VAV3: variants seen among roughly 807,000 people sequenced by gnomAD.
VAV3 encodes vav guanine nucleotide exchange factor 3, also known as guanine nucleotide exchange factor VAV3.
Under a neutral mutation model 131.2 loss-of-function variants are expected in VAV3, and 94 were observed. The observed-to-expected ratio is 0.72, with a 90% CI of 0.61 to 0.85. VAV3 has a LOEUF of 0.85. VAV3 is among the 40% of genes least tolerant of loss of function. The pLI is 0.00. For synonymous variants in VAV3, 349 were observed against 342.0 expected, an observed-to-expected ratio of 1.02 and a Z score of -0.22; for missense variants, 939 against 1,002.7, an observed-to-expected ratio of 0.94 and a Z score of 0.86.
chr1:107,944,218 T>C (rs1674137461), intron 1 of VAV3, among the ~76,000 whole-genome samples: 1 of 152,176 alleles, frequency 6.6e-6, no homozygotes, highest in African/African-American at 2.4e-5. Flanking sequence ...CCGGACCCCC[T>C]CTCATCTTCT....
intron 2 of VAV3, among the ~76,000 whole-genome samples, chr1:107,826,029 G>C (rs1461838813): frequency 6.6e-6 from 1 of 152,068 alleles, no homozygotes; most frequent in Admixed American, 6.6e-5. Flanking sequence ...TGCACAGAGA[G>C]GCATATGTAC....
chr1:107,854,300 A>G (rs1175935853), intron 2 of VAV3, among the ~76,000 whole-genome samples: 1 of 152,108 alleles, frequency 6.6e-6, no homozygotes, highest in East Asian at 1.9e-4. Flanking sequence ...ACAGAGCAAG[A>G]CTCTGCCTAA....
intron 2 of VAV3, among the ~76,000 whole-genome samples, chr1:107,789,701 A>T (rs1056744672): frequency 3.9e-5 from 6 of 152,230 alleles, no homozygotes; most frequent in Non-Finnish European, 8.8e-5. Context: ...CACATACATA[A>T]CTTAATATTT....
chr1:107,697,157 C>T (rs1325722312), intron 17 of VAV3, among the ~76,000 whole-genome samples: 1 of 152,184 alleles, frequency 6.6e-6, no homozygotes, highest in African/African-American at 2.4e-5. Context: ...CCATGGCTTC[C>T]AGCTTTCAGA....
At chr1:107,951,063 T>C (rs1031459776) in intron 1 of VAV3, among the ~76,000 whole-genome samples, 4 of 152,182 alleles carry the variant, frequency 2.6e-5, no homozygotes, top group African/African-American at 7.2e-5. Flanking sequence ...CAAATGCAAA[T>C]GGTATGGCCA....
rs372254289 is a variant in VAV3, at chr1:107,905,080, T to G, written c.205-30063A>C. Among the ~76,000 whole-genome samples, 16 of 152,288 alleles carry G rather than the reference T, an allele frequency of 1.1e-4. 1 individual carries two copies. The highest frequency in any genetic ancestry group is 3.8e-4 in the African/African-American group (16 of 41,560). On this transcript the variant is annotated intron_variant, in intron 1 of 26. Transcript: ENST00000370056. ...GGAATATCAAGGAGCCAAGGTGGCT[T>G]GAGAAGTCAGATTATCTATCCGAAA...
chr1:107,724,550 C>A (rs1368617728), intron 15 of VAV3, among the ~76,000 whole-genome samples: 1 of 151,886 alleles, frequency 6.6e-6, no homozygotes, highest in Admixed American at 6.6e-5. Context: ...AAGAAGTAAA[C>A]CTAATAAAGT....
At chr1:107,651,106 C>T (rs1326777522) in intron 19 of VAV3, among the ~76,000 whole-genome samples, 1 of 152,116 alleles carries the variant, frequency 6.6e-6, no homozygotes, top group African/African-American at 2.4e-5. Flanking sequence ...CCCCATCTAC[C>T]ACGTGAGAAC....
At chr1:107,914,231 C>T (rs1672508902) in intron 1 of VAV3, among the ~76,000 whole-genome samples, 1 of 152,156 alleles carries the variant, frequency 6.6e-6, no homozygotes, top group South Asian at 2.1e-4. Flanking sequence ...TCAACTGTGC[C>T]AGCAGAGCCA....
chr1:107,856,348 G>A (rs555199460), intron 2 of VAV3, among the ~76,000 whole-genome samples: 1 of 152,148 alleles, frequency 6.6e-6, no homozygotes, highest in Non-Finnish European at 1.5e-5. Context: ...GGGAGCTATT[G>A]AGTAGAGGAT....
intron 19 of VAV3, among the ~76,000 whole-genome samples, chr1:107,672,442 C>T (rs934888144): frequency 2.0e-5 from 3 of 151,412 alleles, no homozygotes; most frequent in Non-Finnish European, 2.9e-5. Flanking sequence ...TGGCCAAATG[C>T]TACAAAAATT....
chr1:107,859,489 G>C lies in VAV3; in HGVS notation c.321+15412C>G, dbSNP rs200394113. Among the ~76,000 whole-genome samples the C allele has an allele frequency of 2.0e-5, 3 of 152,152 alleles. No homozygotes were observed. The East Asian group carries it at 5.8e-4, about 29-fold the overall frequency. ...GGAATAATTCTCGATGACTGATTTA[G>C]TGCTTAGCTGATAATAGTCCTAAAA... On this transcript the variant is annotated intron_variant, in intron 2 of 26. Transcript: ENST00000370056.
chr1:107,630,295 A>G (rs1380481097), intron 20 of VAV3, among the ~76,000 whole-genome samples: 1 of 152,112 alleles, frequency 6.6e-6, no homozygotes, highest in Non-Finnish European at 1.5e-5. Flanking sequence ...TAGGCACTTT[A>G]TAAGTATATG....
intron 1 of VAV3, among the ~76,000 whole-genome samples, chr1:107,892,368 A>C (rs1223064183): frequency 6.6e-6 from 1 of 152,176 alleles, no homozygotes; most frequent in Non-Finnish European, 1.5e-5. Flanking sequence ...TGAGTACAAG[A>C]TTAGATGCTA....
intron 1 of VAV3, among the ~76,000 whole-genome samples, chr1:107,900,487 A>G (rs1671800257): frequency 6.6e-6 from 1 of 152,210 alleles, no homozygotes. Flanking sequence ...GTGAAATGTT[A>G]CACCTTATAA....
intron 19 of VAV3, among the ~76,000 whole-genome samples, chr1:107,681,716 C>T (rs555971335): frequency 1.0e-4 from 15 of 149,662 alleles, no homozygotes; most frequent in African/African-American, 2.2e-4. Context: ...TGCAGTGGCG[C>T]GATCTCGGCT....
At chr1:107,726,440 G>A (rs1395998657) in intron 15 of VAV3, among the ~76,000 whole-genome samples, 1 of 152,170 alleles carries the variant, frequency 6.6e-6, no homozygotes, top group Non-Finnish European at 1.5e-5. Flanking sequence ...GCTCATTTCA[G>A]TTTTCCCAGT....
chr1:107,709,914 C>T (rs1660679652), intron 15 of VAV3, among the ~76,000 whole-genome samples: 1 of 152,102 alleles, frequency 6.6e-6, no homozygotes, highest in Admixed American at 6.6e-5. Flanking sequence ...TCTTTCTTAG[C>T]AGTGTGAGAA....
chr1:107,952,485 T>TATATATATATATATATATATATATATAC (rs1317970944), intron 1 of VAV3, among the ~76,000 whole-genome samples: 4 of 94,430 alleles, frequency 4.2e-5, no homozygotes, highest in African/African-American at 7.2e-5. Context: ...TATATATATA[T>TATATATATATATATATATATATATATAC]ACACACATAA....
Sources: gnomAD v4.1 joint callset for allele counts (sites outside exome capture counted in the v4.1 genomes callset) on GRCh38, gnomAD v4.1.1 for gene constraint, MANE v1.5 for transcripts, NCBI Gene and HGNC (gene_info 2026-07-23, HGNC 2026-07-21) for gene names.